SMARCA1: variants seen among roughly 807,000 people sequenced by gnomAD.
The protein encoded by SMARCA1 is SNF2 related chromatin remodeling ATPase 1, also known as SWI/SNF-related matrix-associated actin-dependent regulator of chromatin subfamily A member 1.
A neutral mutation model predicts 93.6 loss-of-function variants in SMARCA1; 17 were observed. The ratio of observed to expected loss-of-function variants is 0.18; its 90% CI spans 0.12 to 0.27. The LOEUF (loss-of-function observed/expected upper bound fraction) is 0.27, where lower values mean the gene tolerates loss of function less well. SMARCA1 is among the 10% of genes least tolerant of loss of function. SMARCA1 has a pLI of 1.00. For missense variants in SMARCA1, 630 were observed against 819.0 expected (o/e 0.77, Z 2.82); for synonymous variants, 271 against 271.4 (o/e 1.00, Z 0.01).
rs754760626 is a variant in SMARCA1, at chrX:129,453,652, T to C, written c.3031-5209A>G. Among the ~76,000 whole-genome samples the C allele has an allele frequency of 6.3e-5, 7 of 110,536 alleles. No individual in the cohort carries two copies. In the South Asian group the frequency reaches 2.7e-3, roughly 42 times the overall value. ...CACAAGCATTCCTATAAACCAATAA[T>C]AGACAGAGAGCCAAATCATGAGTGA... On this transcript the variant is annotated intron_variant, in intron 23 of 24. Coordinates refer to ENST00000371121, the MANE Select transcript of SMARCA1 (RefSeq NM_001282874.2).
rs1334123649 is a variant in SMARCA1, at chrX:129,511,831, A to G, written c.783T>C (p.Ile261=). The G allele has an allele frequency of 1.7e-6, 2 of 1,195,482 alleles. No individual in the cohort carries two copies. The highest frequency in any genetic ancestry group is 2.3e-5 in the Admixed American group (1 of 43,988). The part of the protein sequence containing the change: ...FKRWVPSLRV[I]CFVGDKDARA... ...TGGCATCCTTGTCTCCGACAAAACA[A>G]ATGACACGGAGAGATGGGACCCATC... The change falls in exon 6 of 25, where the codon ATT becomes ATC. Residue 261 remains isoleucine, a synonymous_variant. Coordinates refer to ENST00000371121, the MANE Select transcript of SMARCA1 (RefSeq NM_001282874.2).
Position 129,507,986 on chromosome X carries a change from G to A in SMARCA1, c.921C>T (p.Tyr307=). ...KSVFKKFHWR[Y]LVIDEAHRIK... is the part of the protein sequence containing the mutation. ...TTCTGTGAGCTTCATCAATGACCAG[G>A]TATCGCCAGTGAAACTTTTTGAATA... The change falls in exon 7 of 25, where the codon TAC becomes TAT. Residue 307 remains tyrosine, a synonymous_variant. Coordinates refer to ENST00000371121, the MANE Select transcript of SMARCA1 (RefSeq NM_001282874.2). 1 of 1,180,057 alleles carries A rather than the reference G, an allele frequency of 8.5e-7. No individual in the cohort carries two copies. The highest frequency in any genetic ancestry group is 1.1e-6 in the Non-Finnish European group (1 of 875,593).
Position 129,508,096 on chromosome X carries a change from C to T in SMARCA1, c.811G>A (p.Ala271Thr). 1.8e-6 allele frequency: 2 copies of T among 1,117,232 alleles called. No individual in the cohort carries two copies. The highest frequency in any genetic ancestry group is 2.7e-5 in the Admixed American group (1 of 37,138). The allele number at this position is 1,117,232 out of a possible 1,213,427, so 92.1% of individuals were successfully genotyped here. The change falls in exon 7 of 25, where the codon GCT (alanine) becomes ACT (threonine). Residue 271 changes from alanine to threonine, a missense_variant and splice_region_variant. Physicochemically the swap from Ala to Thr is moderately conservative, Grantham distance 58 (BLOSUM62 0). Transcript: ENST00000371121. ...ATCATTTCATCACGAATAAAAGCAG[C>T]CTAATGCAAAATAAAATACTTCATA... ...ICFVGDKDARAAFIRDEMMPG... is the reference protein window; with the variant it reads ...ICFVGDKDARTAFIRDEMMPG...
chrX:129,518,596 G>C, intron 1 of SMARCA1, 149 bp from the exon 2 acceptor site: 1 of 350,262 alleles, frequency 2.9e-6, no homozygotes, highest in East Asian at 4.6e-5. Context: ...ATGAGAGCAT[G>C]TCACAAAACA....
chrX:129,468,335 T>C (rs1293688314), intron 21 of SMARCA1, among the ~76,000 whole-genome samples: 1 of 111,922 alleles, frequency 8.9e-6, no homozygotes, highest in Non-Finnish European at 1.9e-5. Context: ...CTCTCTGGAA[T>C]AGGGTGGAAC....
intron 19 of SMARCA1, 69 bp from the exon 20 acceptor site, chrX:129,471,395 A>G (rs113944009): frequency 7.3e-6 from 5 of 687,946 alleles, no homozygotes; most frequent in Non-Finnish European, 8.5e-6. Context: ...GTATATACAC[A>G]TATCAATCTT....
intron 3 of SMARCA1, 22 bp from the exon 4 acceptor site, chrX:129,516,016 C>G (rs1026573928): frequency 9.4e-7 from 1 of 1,065,244 alleles, no homozygotes; most frequent in Non-Finnish European, 1.3e-6. Context: ...AAAGGAAATC[C>G]CTTCATATTC....
chrX:129,509,985 A>G (rs1300290956), intron 6 of SMARCA1, among the ~76,000 whole-genome samples: 1 of 112,295 alleles, frequency 8.9e-6, no homozygotes, highest in African/African-American at 3.2e-5. Context: ...AAGACCCAAC[A>G]TATCTATCCT....
At chrX:129,512,475 T>A (rs1208061417) in intron 5 of SMARCA1, among the ~76,000 whole-genome samples, 1 of 111,520 alleles carries the variant, frequency 9.0e-6, no homozygotes, top group Non-Finnish European at 1.9e-5. Flanking sequence ...CATCTCACAC[T>A]CTTAAGAACC....
intron 10 of SMARCA1, 35 bp from the exon 11 acceptor site, chrX:129,498,106 T>G: frequency 1.2e-6 from 1 of 820,692 alleles, no homozygotes. Context: ...CATCAATTAC[T>G]AGAAAGTTAA....
Position 129,471,318 on chromosome X carries a change from C to T in SMARCA1, c.2451G>A (p.Arg817=). The T allele has an allele frequency of 8.4e-7, 1 of 1,186,481 alleles. No individual in the cohort carries two copies. Among genetic ancestry groups the T allele is most frequent in the Non-Finnish European group, 1.1e-6 (1 of 881,371 alleles). The change falls in exon 20 of 25, where the codon AGG becomes AGA. Residue 817 remains arginine (R), a synonymous_variant. Coordinates refer to ENST00000371121, the MANE Select transcript of SMARCA1 (RefSeq NM_001282874.2). ...YRKTIGYKVP[R]NPDIPNPALA... ...GAGCTGGATTTGGGATATCAGGATT[C>T]CTTGGAACCTATAAATCAAGAGATA... is the stretch of plus-strand genomic sequence containing the variant.
chrX:129,454,932 G>A (rs1187129315), intron 23 of SMARCA1, among the ~76,000 whole-genome samples: 1 of 111,651 alleles, frequency 9.0e-6, no homozygotes, highest in Non-Finnish European at 1.9e-5. Flanking sequence ...TTAGGGTGGC[G>A]ATCATTAAAA....
In SMARCA1 at chrX:129,446,810, T is replaced by G. The variant is rs1287336877; in HGVS notation, c.*352A>C. 7.4e-6 allele frequency: 1 copy of G among 134,646 alleles called. No homozygotes were observed. The highest frequency in any genetic ancestry group is 3.2e-5 in the African/African-American group (1 of 31,316). The allele number at this position is 134,646 out of a possible 1,213,427, so 11.1% of individuals were successfully genotyped here. ...TTTCCACAGCCATATAAATTTAAAG[T>G]ATGAAACAACAATAATACAACTATA... On this transcript the variant is annotated 3_prime_UTR_variant, in exon 25 of 25. Transcript: ENST00000371121.
rs777504622 is a variant in SMARCA1 at position 129,468,953 on chromosome X, TC to T, written c.2566-49del. 4.4e-6 allele frequency: 4 copies of T among 900,144 alleles called. No individual in the cohort carries two copies. The African/African-American group carries it at 7.9e-5, about 18-fold the overall frequency. 74.2% of individuals were successfully genotyped at this position (900,144 alleles called of 1,213,427 possible). ...TATCAATAGAGGTTAAATTAATAAA[TC>T]CATTTATTGCCCTATTTACTTCTAT... On this transcript the variant is annotated intron_variant, in intron 20 of 24. Coordinates refer to ENST00000371121, the MANE Select transcript of SMARCA1 (RefSeq NM_001282874.2).
At chrX:129,476,088 G>A (rs1933370115) in intron 19 of SMARCA1, among the ~76,000 whole-genome samples, 1 of 111,999 alleles carries the variant, frequency 8.9e-6, no homozygotes, top group East Asian at 2.8e-4. Flanking sequence ...AGATATTCTG[G>A]ATTTTTTATG....
chrX:129,517,726 G>A (rs901719580), intron 2 of SMARCA1, among the ~76,000 whole-genome samples: 1 of 110,646 alleles, frequency 9.0e-6, no homozygotes, highest in South Asian at 3.8e-4. Flanking sequence ...TTAAATTCTT[G>A]AAAGATCCAA....
At chrX:129,490,268 T>A (rs1334201067) in intron 14 of SMARCA1, 76 bp from the exon 15 acceptor site, 7 of 678,900 alleles carry the variant, frequency 1.0e-5, no homozygotes, top group Non-Finnish European at 1.5e-5. Flanking sequence ...TATAAAATTC[T>A]AAAAATAAAA....
intron 19 of SMARCA1, among the ~76,000 whole-genome samples, chrX:129,474,743 T>A (rs894730633): frequency 1.8e-5 from 2 of 111,799 alleles, no homozygotes; most frequent in African/African-American, 3.3e-5. Context: ...CCTCCTGATA[T>A]GGTTTGGCTG....
intron 1 of SMARCA1, among the ~76,000 whole-genome samples, chrX:129,522,588 G>A (rs1229263029): frequency 9.0e-6 from 1 of 111,016 alleles, no homozygotes; most frequent in East Asian, 2.8e-4. Flanking sequence ...CACCTCGGCA[G>A]GCGGGGTTCA....
Sources: gnomAD v4.1 joint callset for allele counts (sites outside exome capture counted in the v4.1 genomes callset) on GRCh38, gnomAD v4.1.1 for gene constraint, MANE v1.5 for transcripts, NCBI Gene and HGNC (gene_info 2026-07-23, HGNC 2026-07-21) for gene names.